CDC42SE2: variants seen among roughly 807,000 people sequenced by gnomAD.
CDC42SE2 encodes the protein CDC42 small effector protein 2.
A neutral mutation model predicts 11.5 loss-of-function variants in CDC42SE2; 3 were observed. The observed-to-expected ratio is 0.26, with a 90% CI of 0.12 to 0.67. The LOEUF (loss-of-function observed/expected upper bound fraction) is 0.67, where lower values mean the gene tolerates loss of function less well. Ranked by LOEUF, CDC42SE2 falls within the 30% of genes least tolerant of loss-of-function variation. The pLI is 0.80. For synonymous variants in CDC42SE2, 33 were observed against 34.8 expected (o/e 0.95, Z 0.18); for missense variants, 82 against 106.8 (o/e 0.77, Z 1.02).
intron 2 of CDC42SE2, among the ~76,000 whole-genome samples, chr5:131,350,556 C>T (rs1758981012): frequency 1.3e-5 from 2 of 151,196 alleles, no homozygotes; most frequent in African/African-American, 2.4e-5. Context: ...GCTTTAACGC[C>T]CTGATATGAA....
chr5:131,299,100 G>A (rs1056760243), intron 1 of CDC42SE2, among the ~76,000 whole-genome samples: 2 of 152,124 alleles, frequency 1.3e-5, no homozygotes, highest in Non-Finnish European at 2.9e-5. Context: ...CAGTCATGGG[G>A]TATCAAATGG....
Position 131,272,476 on chromosome 5 carries a change from CT to C in CDC42SE2, c.-455+8314del, listed in dbSNP as rs1341410904. 3.9e-5 allele frequency among the ~76,000 whole-genome samples: 6 copies of C among 152,068 alleles called. No individual in the cohort carries two copies. In the East Asian group the frequency reaches 1.2e-3, roughly 29 times the overall value. On this transcript the variant is annotated intron_variant, in intron 1 of 4. Transcript: ENST00000505065. ...AAAAATGAAAGCGATCAGAATAAAA[CT>C]TTTATACGTCTCCTTGTATCTTTAC... is the stretch of plus-strand genomic sequence containing the variant.
intron 1 of CDC42SE2, among the ~76,000 whole-genome samples, chr5:131,290,486 G>GTT (rs532593648): frequency 0.012 from 1,231 of 103,100 alleles, 22 homozygotes; most frequent in African/African-American, 0.04. Context: ...TTTTTTTTTT[G>GTT]TTTTTTTTTT....
At chr5:131,264,666 G>C (rs924752139) in intron 1 of CDC42SE2, among the ~76,000 whole-genome samples, 18 of 152,304 alleles carry the variant, frequency 1.2e-4, no homozygotes, top group African/African-American at 4.1e-4. Context: ...GTCCTGCCGC[G>C]GTTCGCCCCG....
chr5:131,386,002 C>T (rs533341833), intron 4 of CDC42SE2, among the ~76,000 whole-genome samples: 1 of 152,290 alleles, frequency 6.6e-6, no homozygotes, highest in East Asian at 1.9e-4. Flanking sequence ...TAATAATAAT[C>T]TCTTTTTGTT....
At chr5:131,277,686 G>A (rs1361322426) in intron 1 of CDC42SE2, among the ~76,000 whole-genome samples, 3 of 152,062 alleles carry the variant, frequency 2.0e-5, no homozygotes, top group Admixed American at 1.3e-4. Context: ...TGTTTCCTTT[G>A]TTTGAAATGG....
At chr5:131,356,378 A>AAGC (rs1749547870) in intron 2 of CDC42SE2, among the ~76,000 whole-genome samples, 1 of 152,204 alleles carries the variant, frequency 6.6e-6, no homozygotes, top group Non-Finnish European at 1.5e-5. Flanking sequence ...TACTTCCTTG[A>AAGC]AGGTGTTTAT....
intron 1 of CDC42SE2, among the ~76,000 whole-genome samples, chr5:131,248,929 C>T (rs147400210): frequency 1.3e-5 from 2 of 149,592 alleles, no homozygotes; most frequent in Admixed American, 6.7e-5. Context: ...AAAATTCCTA[C>T]AAGAGCTTTA....
intron 2 of CDC42SE2, among the ~76,000 whole-genome samples, chr5:131,342,202 C>G (rs1330597497): frequency 1.3e-5 from 2 of 148,220 alleles, no homozygotes; most frequent in Non-Finnish European, 3.0e-5. Flanking sequence ...ATCACTTGAA[C>G]TGGGGGGGTG....
At chr5:131,355,488 AAGAG>A (rs948494295) in intron 2 of CDC42SE2, among the ~76,000 whole-genome samples, 75 of 152,140 alleles carry the variant, frequency 4.9e-4, no homozygotes, top group African/African-American at 1.3e-3. Context: ...AAAAAAAAGA[AAGAG>A]AGAGAGAAAG....
chr5:131,361,784 C>T (rs1370554085), intron 3 of CDC42SE2, among the ~76,000 whole-genome samples: 3 of 152,222 alleles, frequency 2.0e-5, no homozygotes, highest in South Asian at 4.1e-4. Context: ...CTAGGTGGCC[C>T]CAGCTCTCCT....
At chr5:131,262,042 A>G (rs1180609877), upstream of CDC42SE2, among the ~76,000 whole-genome samples, 1 of 152,116 alleles carries the variant, frequency 6.6e-6, no homozygotes, top group Non-Finnish European at 1.5e-5. Flanking sequence ...TGTTTACATA[A>G]TGAATACTAC....
At chr5:131,221,282 A>G in the CDC42SE2 span, among the ~76,000 whole-genome samples, 1 of 151,238 alleles carries the variant, frequency 6.6e-6, no homozygotes, top group Non-Finnish European at 1.5e-5. Flanking sequence ...TTCATAAAAC[A>G]TTATGAGATT....
At chr5:131,367,915 T>G (rs996930423) in intron 3 of CDC42SE2, among the ~76,000 whole-genome samples, 1 of 152,088 alleles carries the variant, frequency 6.6e-6, no homozygotes, top group Non-Finnish European at 1.5e-5. Context: ...TTAATTATAT[T>G]TATTTTCCAT....
At chr5:131,375,162 GAGAAC>G (rs1750117396) in intron 3 of CDC42SE2, among the ~76,000 whole-genome samples, 1 of 151,810 alleles carries the variant, frequency 6.6e-6, no homozygotes, top group Non-Finnish European at 1.5e-5. Context: ...ACTGAGAGAT[GAGAAC>G]AACTAGTTCC....
chr5:131,371,505 A>T (rs113897162), intron 3 of CDC42SE2, among the ~76,000 whole-genome samples: 16 of 152,022 alleles, frequency 1.1e-4, no homozygotes, highest in Non-Finnish European at 2.2e-4. Context: ...AGCAGATGGG[A>T]TATTGTTTGT....
chr5:131,353,153 T>G (rs914911838), intron 2 of CDC42SE2, among the ~76,000 whole-genome samples: 1 of 152,082 alleles, frequency 6.6e-6, no homozygotes, highest in Non-Finnish European at 1.5e-5. Context: ...GTTTTTGTAG[T>G]TACGGAATTC....
intron 1 of CDC42SE2, among the ~76,000 whole-genome samples, chr5:131,307,942 A>T (rs1012686662): frequency 2.3e-4 from 35 of 152,072 alleles, no homozygotes; most frequent in Non-Finnish European, 4.4e-4. Flanking sequence ...AATTTGTTTG[A>T]GTTCCCTGTA....
At chr5:131,339,636 A>G (rs928573527) in intron 2 of CDC42SE2, among the ~76,000 whole-genome samples, 14 of 151,824 alleles carry the variant, frequency 9.2e-5, no homozygotes, top group African/African-American at 3.4e-4. Context: ...GTGGAACCCC[A>G]TCTCTACTAA....
Sources: allele counts gnomAD v4.1 joint callset (sites outside exome capture counted in the v4.1 genomes callset), GRCh38; gene constraint gnomAD v4.1.1; transcripts MANE v1.5; gene names NCBI Gene and HGNC (gene_info 2026-07-23, HGNC 2026-07-21).